Variants in SCRN1 observed in about 807,000 individuals in gnomAD.
SCRN1 encodes secernin-1.
Under a neutral mutation model 43.3 loss-of-function variants are expected in SCRN1, and 19 were observed. The observed-to-expected ratio is 0.44, with a 90% confidence interval of 0.31 to 0.64. The LOEUF (loss-of-function observed/expected upper bound fraction) is 0.64. Among genes scored for constraint, SCRN1 ranks in the 30% least tolerant of loss-of-function variants. The pLI, the probability that SCRN1 is intolerant of heterozygous loss-of-function variation, is 0.09. For synonymous variants in SCRN1, 183 were observed against 188.9 expected, an observed-to-expected ratio of 0.97 and a Z score of 0.26; for missense variants, 447 against 524.1, an observed-to-expected ratio of 0.85 and a Z score of 1.44.
At chr7:29,974,159 T>C (rs1024217301) in intron 1 of SCRN1, among the ~76,000 whole-genome samples, 3 of 152,240 alleles carry the variant, frequency 2.0e-5, no homozygotes, top group Non-Finnish European at 4.4e-5. Context: ...TTTTTACTGA[T>C]ATAATCCCAG....
At chr7:29,929,688 T>C (rs551714917) in intron 6 of SCRN1, among the ~76,000 whole-genome samples, 1 of 152,236 alleles carries the variant, frequency 6.6e-6, no homozygotes, top group Non-Finnish European at 1.5e-5. Flanking sequence ...TGTGGGTCCA[T>C]GTTTTCCCTC....
chr7:29,986,717 A>ATTTTTTT (rs553845779), intron 1 of SCRN1, among the ~76,000 whole-genome samples: 39 of 99,828 alleles, frequency 3.9e-4, no homozygotes, highest in Non-Finnish European at 4.3e-4. Flanking sequence ...AATTTTTTTA[A>ATTTTTTT]TTTTTTTTTT....
At chr7:29,969,316 G>T (rs1583689565) in intron 1 of SCRN1, 1 of 499,848 alleles carries the variant, frequency 2.0e-6, no homozygotes, top group East Asian at 3.4e-5. Flanking sequence ...AAACCACAGC[G>T]GCAGCCAAAA....
chr7:29,986,717 ATTTTTTTTTT>A lies in SCRN1; in HGVS notation c.-2+2915_-2+2924del, dbSNP rs553845779. On this transcript the variant is annotated intron_variant, in intron 1 of 7. Coordinates refer to ENST00000242059, the MANE Select transcript of SCRN1 (RefSeq NM_014766.5). ...GCAAGTTAGTTTTCTAATTTTTTTA[ATTTTTTTTTT>A]TTTTTTTTTTTTTTTGAGACGGAGT... is the stretch of plus-strand genomic sequence containing the variant. Among the ~76,000 whole-genome samples the A allele has an allele frequency of 7.5e-3, 750 of 99,900 alleles. 3 individuals carry two copies. The highest frequency in any genetic ancestry group is 0.028 in the African/African-American group (691 of 24,896). The allele number at this position is 99,900 out of a possible 152,430, so 65.5% of individuals were successfully genotyped here.
At chr7:29,954,554 C>G (rs565804560) in intron 3 of SCRN1, among the ~76,000 whole-genome samples, 4 of 152,280 alleles carry the variant, frequency 2.6e-5, no homozygotes, top group African/African-American at 9.6e-5. Context: ...CTTCCTGCCT[C>G]TATGGATTTG....
At chr7:29,946,066 T>C (rs909244376) in intron 3 of SCRN1, among the ~76,000 whole-genome samples, 5 of 152,246 alleles carry the variant, frequency 3.3e-5, no homozygotes. Context: ...AACAGGCTTA[T>C]GTTTATAGTC....
Position 29,989,787 on chromosome 7 carries a change from C to T in SCRN1, c.-147G>A, listed in dbSNP as rs1328018122. 2.0e-6 allele frequency: 2 copies of T among 988,088 alleles called. No homozygotes were observed. Among genetic ancestry groups the T allele is most frequent in the African/African-American group, 3.5e-5 (2 of 57,296 alleles). The allele number at this position is 988,088 out of a possible 1,614,324, so 61.2% of individuals were successfully genotyped here. On this transcript the variant is annotated 5_prime_UTR_variant, in exon 1 of 8. Transcript: ENST00000242059. ...GGCGGAGGCGGCCGCCGGGCGCTTC[C>T]CCCTACCCAGACTCCCGGCGCTGGG... is the stretch of plus-strand genomic sequence containing the variant.
At chr7:29,964,542 A>G (rs1314126201) in intron 2 of SCRN1, among the ~76,000 whole-genome samples, 3 of 152,224 alleles carry the variant, frequency 2.0e-5, no homozygotes, top group Non-Finnish European at 4.4e-5. Context: ...CAGAACCTCT[A>G]GGACAGTAAA....
At position 29,947,435 on chromosome 7, in the gene SCRN1, T is replaced by C. The variant is rs557443622; in HGVS notation, c.342-3256A>G. ...CCATGGATTAGGAGATCCCTGTCCTTTTCTATCTCAAATCAGGTAAAACTA... is the reference window on the plus strand; with the variant it reads ...CCATGGATTAGGAGATCCCTGTCCTCTTCTATCTCAAATCAGGTAAAACTA... On this transcript the variant is annotated intron_variant, in intron 3 of 7. Coordinates refer to ENST00000242059, the MANE Select transcript of SCRN1 (RefSeq NM_014766.5). 2.3e-6 allele frequency: 3 copies of C among 1,304,942 alleles called. No homozygotes were observed. The East Asian group carries it at 7.6e-5, about 33-fold the overall frequency. 80.8% of individuals were successfully genotyped at this position (1,304,942 alleles called of 1,614,324 possible).
intron 4 of SCRN1, 103 bp downstream of exon 4, chr7:29,943,874 C>T (rs929663210): frequency 9.3e-7 from 1 of 1,079,578 alleles, no homozygotes; most frequent in Non-Finnish European, 1.4e-6. Context: ...AGAGGACCTG[C>T]AACGGCACGT....
intron 6 of SCRN1, among the ~76,000 whole-genome samples, chr7:29,931,858 C>T (rs1787165084): frequency 6.6e-6 from 1 of 152,206 alleles, no homozygotes; most frequent in African/African-American, 2.4e-5. Flanking sequence ...CTCAAAAACG[C>T]AGGCGCCCCT....
chr7:29,953,649 G>A (rs1270345433), intron 3 of SCRN1, among the ~76,000 whole-genome samples: 2 of 152,142 alleles, frequency 1.3e-5, no homozygotes, highest in Non-Finnish European at 2.9e-5. Flanking sequence ...CCCAGCTCAG[G>A]GAAGCTGCTC....
rs538944405 is a variant in SCRN1, at chr7:29,965,537, G to A, written c.159+3372C>T. Among the ~76,000 whole-genome samples, 10 of 152,212 alleles carry A rather than the reference G, an allele frequency of 6.6e-5. No individual in the cohort carries two copies. Among genetic ancestry groups the A allele is most frequent in the African/African-American group, 1.9e-4 (8 of 41,526 alleles). On this transcript the variant is annotated intron_variant, in intron 2 of 7. Coordinates refer to ENST00000242059, the MANE Select transcript of SCRN1 (RefSeq NM_014766.5). This position sits in a 1 kb window ranked among gnomAD's most constrained non-coding sequence, Gnocchi z 4.2. ...GGCTTCTAGTATAAACTACGTGGCC[G>A]ACAATGCATATGTTGTTACAGCAAC...
chr7:29,939,922 G>A (rs2128089551), intron 5 of SCRN1, among the ~76,000 whole-genome samples: 1 of 152,110 alleles, frequency 6.6e-6, no homozygotes, highest in African/African-American at 2.4e-5. Flanking sequence ...GGCCAAGGCG[G>A]GCAAATCTCT....
intron 2 of SCRN1, 48 bp downstream of exon 2, chr7:29,968,861 G>A (rs752934913): frequency 1.2e-6 from 2 of 1,608,958 alleles, no homozygotes; most frequent in Non-Finnish European, 8.5e-7. Context: ...TAGCGGCAAA[G>A]CCAGAGAAAA....
chr7:29,925,968 T>C (rs889078407), intron 7 of SCRN1, among the ~76,000 whole-genome samples: 1 of 151,966 alleles, frequency 6.6e-6, no homozygotes, highest in Non-Finnish European at 1.5e-5. Context: ...AACTTTAAAA[T>C]GTATAGTTCA....
Position 29,950,708 on chromosome 7 carries a change from C to T in SCRN1, c.341+4471G>A, listed in dbSNP as rs545247954. Among the ~76,000 whole-genome samples the T allele has an allele frequency of 1.3e-4, 20 of 152,346 alleles. No individual in the cohort carries two copies. The South Asian group carries it at 3.7e-3, about 28-fold the overall frequency. On this transcript the variant is annotated intron_variant, in intron 3 of 7. Transcript: ENST00000242059. The surrounding 1 kb of genome is among the most constrained non-coding windows in gnomAD (Gnocchi z 4.5). ...ACTACCAGCTGCAGGAAGGAGCTAC[C>T]AAGTTTGGGCCTCCTTGACTCGTTG...
intron 6 of SCRN1, among the ~76,000 whole-genome samples, chr7:29,930,658 A>G (rs1787128071): frequency 6.6e-6 from 1 of 152,232 alleles, no homozygotes; most frequent in Non-Finnish European, 1.5e-5. Flanking sequence ...AGAAGGTTCC[A>G]GAAGGCTGAT....
At chr7:29,940,606 G>A (rs989332668) in intron 5 of SCRN1, 76 bp downstream of exon 5, 2 of 1,391,078 alleles carry the variant, frequency 1.4e-6, no homozygotes, top group African/African-American at 1.5e-5. Flanking sequence ...ACCCTTCTAA[G>A]TTCAGACAAG....
Sources: gnomAD v4.1 joint callset for allele counts (sites outside exome capture counted in the v4.1 genomes callset) on GRCh38, gnomAD v4.1.1 for gene constraint, Gnocchi (gnomAD v3.1) non-coding constraint, MANE v1.5 for transcripts, NCBI Gene and HGNC (gene_info 2026-07-23, HGNC 2026-07-21) for gene names.